The following GRIN2A variants were observed in gnomAD, a reference collection of about 807,000 sequenced individuals.
GRIN2A encodes glutamate receptor ionotropic, NMDA 2A.
GRIN2A carries 22 observed loss-of-function variants against 113.4 expected under a neutral mutation model. The ratio of observed to expected loss-of-function variants is 0.19; its 90% CI spans 0.14 to 0.28. GRIN2A has a LOEUF of 0.28. Ranked by LOEUF, GRIN2A falls within the 10% of genes least tolerant of loss-of-function variation. The probability of loss-of-function intolerance (pLI) is 1.00; values close to 1 mark genes in which losing one functional copy is unlikely to be tolerated. For missense variants in GRIN2A, 1,502 were observed against 1,887.0 expected, an observed-to-expected ratio of 0.80 and a Z score of 3.78; for synonymous variants, 827 against 738.4, an observed-to-expected ratio of 1.12 and a Z score of -1.94.
intron 2 of GRIN2A, among the ~76,000 whole-genome samples, chr16:9,968,788 G>A (rs529658424): frequency 1.3e-5 from 2 of 152,038 alleles, no homozygotes; most frequent in South Asian, 2.1e-4. Flanking sequence ...TGTAATTTTA[G>A]TAGAGATGGG....
rs773996543 is a variant in GRIN2A, at chr16:9,764,843, C to T, written c.2701G>A (p.Ala901Thr). 6.2e-6 allele frequency: 10 copies of T among 1,614,192 alleles called. No individual in the cohort carries two copies. The highest frequency in any genetic ancestry group is 1.3e-5 in the African/African-American group (1 of 75,056). Reference sequence around the variant, plus strand: ...TTGGACATGCTGGAAATGTTTTTGGCTGACCGGAGGAGTTTTAACATGTTG... The same window carrying T: ...TTGGACATGCTGGAAATGTTTTTGGTTGACCGGAGGAGTTTTAACATGTTG... ...QSNMLKLLRS[A>T]KNISSMSNMN... The change falls in exon 13 of 13, where the codon GCC becomes ACC. Residue 901 changes from alanine (A) to threonine (T), a missense_variant. By Grantham distance (58) the Ala-to-Thr change is moderately conservative. Around this residue, in one of 7 missense-constraint regions of GRIN2A, gnomAD observed 832 missense variants for 789.7 expected, o/e 1.05. Transcript: ENST00000330684.
At chr16:10,118,545 T>C (rs2048772538) in intron 2 of GRIN2A, among the ~76,000 whole-genome samples, 1 of 152,234 alleles carries the variant, frequency 6.6e-6, no homozygotes, top group African/African-American at 2.4e-5. Flanking sequence ...ATATTTTACA[T>C]GCCCAATCCT....
chr16:9,776,113 A>G (rs764049970), intron 11 of GRIN2A, among the ~76,000 whole-genome samples: 2 of 152,180 alleles, frequency 1.3e-5, no homozygotes, highest in African/African-American at 4.8e-5. Context: ...ATCATAACCC[A>G]TTACAGTCTA....
intron 5 of GRIN2A, among the ~76,000 whole-genome samples, chr16:9,846,693 T>TAG (rs1489704194): frequency 6.6e-6 from 1 of 151,732 alleles, no homozygotes; most frequent in Non-Finnish European, 1.5e-5. Flanking sequence ...GTGATGAGGG[T>TAG]AGAGAGAGAT....
chr16:10,034,687 T>C (rs953019353), intron 2 of GRIN2A, among the ~76,000 whole-genome samples: 2 of 95,318 alleles, frequency 2.1e-5, no homozygotes, highest in Non-Finnish European at 4.1e-5. Context: ...AGAAAACTGG[T>C]CTATCTATTC....
intron 11 of GRIN2A, among the ~76,000 whole-genome samples, chr16:9,782,501 T>C (rs1401766853): frequency 6.6e-6 from 1 of 152,208 alleles, no homozygotes; most frequent in East Asian, 1.9e-4. Context: ...GGGCCACTGT[T>C]TATCCATGCC....
At chr16:9,836,855 C>G (rs2042591226) in intron 7 of GRIN2A, among the ~76,000 whole-genome samples, 1 of 152,176 alleles carries the variant, frequency 6.6e-6, no homozygotes, top group African/African-American at 2.4e-5. Context: ...CATGAAGGAA[C>G]TGCAATCGAG....
Position 9,816,461 on chromosome 16 carries a change from A to T in GRIN2A, c.2168+5803T>A, listed in dbSNP as rs115492264. 8.3e-3 allele frequency among the ~76,000 whole-genome samples: 1,260 copies of T among 152,298 alleles called. 21 individuals are homozygous for T. Among genetic ancestry groups the T allele is most frequent in the African/African-American group, 0.029 (1,190 of 41,550 alleles). ...TCTAAGGAAATTGGGACTTTTCCAT[A>T]AATGTATACACCCAGACTTGTACAT... On this transcript the variant is annotated intron_variant, in intron 10 of 12. Coordinates refer to ENST00000330684, the MANE Select transcript of GRIN2A (RefSeq NM_001134407.3).
chr16:10,058,614 T>C (rs59694836), intron 2 of GRIN2A, among the ~76,000 whole-genome samples: 5,377 of 152,352 alleles, frequency 0.035, 342 homozygotes, highest in African/African-American at 0.12. Context: ...ATGAAAACTT[T>C]TGTTAGAGGT....
chr16:9,802,054 A>G (rs1385332387), intron 10 of GRIN2A, among the ~76,000 whole-genome samples: 1 of 152,238 alleles, frequency 6.6e-6, no homozygotes, highest in Non-Finnish European at 1.5e-5. Context: ...CTATTATTAA[A>G]AAGTCAAAAA....
chr16:10,164,124 A>T (rs2049858538), intron 2 of GRIN2A, among the ~76,000 whole-genome samples: 1 of 152,250 alleles, frequency 6.6e-6, no homozygotes, highest in African/African-American at 2.4e-5. Flanking sequence ...TCTTGAGTGC[A>T]TGATGGCTCT....
At chr16:9,968,921 T>C (rs142789923) in intron 2 of GRIN2A, among the ~76,000 whole-genome samples, 2 of 152,308 alleles carry the variant, frequency 1.3e-5, no homozygotes, top group East Asian at 3.9e-4. Context: ...AAACCACATA[T>C]ATTAAAGTAA....
intron 2 of GRIN2A, among the ~76,000 whole-genome samples, chr16:10,086,143 A>G (rs1231776087): frequency 6.6e-6 from 1 of 152,164 alleles, no homozygotes; most frequent in Non-Finnish European, 1.5e-5. Context: ...GCTTCTGGAC[A>G]TTCTAAATAC....
rs1022627216 is a variant in GRIN2A, at chr16:9,957,033, G to A, written c.415-18482C>T. ...TCAGTTGCCCAAGAATCTTTTCACAGTTTCTATCTAATCCCTTTCAATAAT... is the reference window on the plus strand; with the variant it reads ...TCAGTTGCCCAAGAATCTTTTCACAATTTCTATCTAATCCCTTTCAATAAT... On this transcript the variant is annotated intron_variant, in intron 2 of 12. Transcript: ENST00000330684. 6.6e-5 allele frequency among the ~76,000 whole-genome samples: 10 copies of A among 152,310 alleles called. No homozygotes were observed. In the East Asian group the frequency reaches 1.7e-3, roughly 26 times the overall value.
intron 2 of GRIN2A, among the ~76,000 whole-genome samples, chr16:10,104,447 A>C (rs1410701498): frequency 6.6e-6 from 1 of 152,202 alleles, no homozygotes; most frequent in Non-Finnish European, 1.5e-5. Flanking sequence ...GGAGTCCAAT[A>C]AATACTACTA....
chr16:9,921,986 A>AAT (rs957000411), intron 3 of GRIN2A, among the ~76,000 whole-genome samples: 2 of 151,990 alleles, frequency 1.3e-5, no homozygotes, highest in African/African-American at 4.8e-5. Context: ...TACAACTAAT[A>AAT]ATATATTTTA....
chr16:9,959,579 C>T (rs1370733400), intron 2 of GRIN2A, among the ~76,000 whole-genome samples: 6 of 152,184 alleles, frequency 3.9e-5, no homozygotes, highest in Non-Finnish European at 5.9e-5. Context: ...CAGGAGTCGC[C>T]GTTCTGACTT....
At chr16:9,838,829 A>G (rs1044020863) in intron 7 of GRIN2A, among the ~76,000 whole-genome samples, 1 of 152,288 alleles carries the variant, frequency 6.6e-6, no homozygotes, top group East Asian at 1.9e-4. Context: ...AATACTACAT[A>G]TTCTCACTTC....
chr16:10,036,601 C>G (rs567938801), intron 2 of GRIN2A, among the ~76,000 whole-genome samples: 1 of 150,926 alleles, frequency 6.6e-6, no homozygotes, highest in Non-Finnish European at 1.5e-5. Context: ...CCACAACGCC[C>G]GGCTAATTTT....
Sources: allele counts gnomAD v4.1 joint callset (sites outside exome capture counted in the v4.1 genomes callset), GRCh38; gene constraint gnomAD v4.1.1; regional missense constraint gnomAD v4.1.1; transcripts MANE v1.5; gene names NCBI Gene and HGNC (gene_info 2026-07-23, HGNC 2026-07-21).